Variants in APLF observed in about 807,000 individuals in gnomAD.
APLF encodes the protein aprataxin and PNK-like factor.
In APLF, 61 loss-of-function variants were observed where a neutral mutation model predicts 55.6. The observed-to-expected ratio is 1.10, with a 90% confidence interval of 0.89 to 1.36. The LOEUF (loss-of-function observed/expected upper bound fraction) is 1.36. Ranked by LOEUF, APLF falls within the 40% of genes most tolerant of loss-of-function variation. The pLI is 0.00. For synonymous variants in APLF, 207 were observed against 214.8 expected (o/e 0.96, Z 0.32); for missense variants, 611 against 602.5 (o/e 1.01, Z -0.15).
At chr2:68,553,643 T>C (rs1207490882) in intron 8 of APLF, among the ~76,000 whole-genome samples, 1 of 151,982 alleles carries the variant, frequency 6.6e-6, no homozygotes, top group Non-Finnish European at 1.5e-5. Flanking sequence ...CCACAGATCA[T>C]AAAATAAGCC....
intron 1 of APLF, among the ~76,000 whole-genome samples, chr2:68,472,964 C>A (rs1005418123): frequency 6.6e-6 from 1 of 152,128 alleles, no homozygotes; most frequent in Non-Finnish European, 1.5e-5. Context: ...CCCCGACTAT[C>A]AACATTCTAC....
intron 5 of APLF, among the ~76,000 whole-genome samples, chr2:68,518,771 T>C (rs1350851570): frequency 1.9e-5 from 2 of 107,886 alleles, no homozygotes; most frequent in South Asian, 2.7e-4. Context: ...ATATTAATAA[T>C]ATATCATTAT....
In APLF at chr2:68,502,891, A is replaced by G. The variant is rs781214980; in HGVS notation, c.329A>G (p.Gln110Arg). The stretch of plus-strand genomic sequence containing the variant: ...TCTATACCCTCTGAAGTGGAAATGC[A>G]ATGTACCTTAAGGTAAGTGCCTGAT... Reference protein sequence around the residue: ...ILSIPSEVEMQCTLRNSQVLD... With the variant: ...ILSIPSEVEMRCTLRNSQVLD... The change falls in exon 3 of 10, where the codon CAA (glutamine) becomes CGA (arginine). Residue 110 changes from glutamine (Q) to arginine (R), a missense_variant. Gln to Arg is a conservative substitution (Grantham distance 43). Coordinates refer to ENST00000303795, the MANE Select transcript of APLF (RefSeq NM_173545.3). 1.9e-6 allele frequency: 3 copies of G among 1,602,608 alleles called. No homozygotes were observed. The highest frequency in any genetic ancestry group is 4.5e-5 in the East Asian group (2 of 44,296).
chr2:68,467,639 C>T lies in APLF; in HGVS notation c.-93C>T, dbSNP rs991477934. The T allele has an allele frequency of 2.1e-4, 225 of 1,090,996 alleles. No homozygotes were observed. The highest frequency in any genetic ancestry group is 3.0e-4 in the Admixed American group (7 of 23,512). The allele number at this position is 1,090,996 out of a possible 1,614,324, so 67.6% of individuals were successfully genotyped here. On this transcript the variant is annotated 5_prime_UTR_variant, in exon 1 of 10. Coordinates refer to ENST00000303795, the MANE Select transcript of APLF (RefSeq NM_173545.3). Reference sequence around the variant, plus strand: ...TTGAGGCCCTCCCTCGGTGTTTTTTCCCAGGGCGTGGGCTTGCCCCGCGCG... The same window carrying T: ...TTGAGGCCCTCCCTCGGTGTTTTTTTCCAGGGCGTGGGCTTGCCCCGCGCG...
In APLF at chr2:68,513,534, A is replaced by G. The variant is rs774609067; in HGVS notation, c.490-14A>G. 5.0e-6 allele frequency: 8 copies of G among 1,607,618 alleles called. No individual in the cohort carries two copies. Among genetic ancestry groups the G allele is most frequent in the Non-Finnish European group, 5.9e-6 (7 of 1,176,922 alleles). On this transcript the variant is annotated splice_polypyrimidine_tract_variant and intron_variant, in intron 4 of 9. Transcript: ENST00000303795. ...TGTGTGATTATTTTTAGTAATTTATAGGTGTCTTTTTAGTCTTTCCTAGGT... is the reference window on the plus strand; with the variant it reads ...TGTGTGATTATTTTTAGTAATTTATGGGTGTCTTTTTAGTCTTTCCTAGGT...
At chr2:68,559,102 T>C (rs1243052654) in intron 8 of APLF, among the ~76,000 whole-genome samples, 1 of 152,182 alleles carries the variant, frequency 6.6e-6, no homozygotes, top group Non-Finnish European at 1.5e-5. Context: ...ATGCTAATTC[T>C]GTAGCATGAC....
chr2:68,492,646 T>A (rs1285727415), intron 2 of APLF, among the ~76,000 whole-genome samples: 2 of 152,204 alleles, frequency 1.3e-5, no homozygotes, highest in Non-Finnish European at 2.9e-5. Flanking sequence ...GGCTCCTTTT[T>A]AAAATACTCT....
chr2:68,525,001 G>T (rs1669992789), intron 5 of APLF, among the ~76,000 whole-genome samples: 1 of 152,174 alleles, frequency 6.6e-6, no homozygotes, highest in Non-Finnish European at 1.5e-5. Flanking sequence ...GTCTGTAGAA[G>T]TCACTCTCCT....
Position 68,467,708 on chromosome 2 carries a change from GA to G in APLF, c.-22del. ...ACAGCGGAGGGGCCAGTCTCCTGGC[GA>G]AGGGGCCTAATCCTTGCCCGCCATG... On this transcript the variant is annotated 5_prime_UTR_variant, in exon 1 of 10. Coordinates refer to ENST00000303795, the MANE Select transcript of APLF (RefSeq NM_173545.3). 8.1e-7 allele frequency: 1 copy of G among 1,234,250 alleles called. No homozygotes were observed. The highest frequency in any genetic ancestry group is 3.2e-5 in the East Asian group (1 of 31,682). 76.5% of individuals were successfully genotyped at this position (1,234,250 alleles called of 1,614,324 possible). A position where few individuals can be genotyped will look rare whatever the true frequency, so the allele number is the denominator to read the frequency against.
At chr2:68,522,154 T>C (rs1669915739) in intron 5 of APLF, among the ~76,000 whole-genome samples, 1 of 151,892 alleles carries the variant, frequency 6.6e-6, no homozygotes, top group Non-Finnish European at 1.5e-5. Context: ...CTGATTTTAA[T>C]AGAAATTCTC....
intron 9 of APLF, among the ~76,000 whole-genome samples, chr2:68,572,576 C>T (rs746955657): frequency 2.0e-5 from 3 of 152,182 alleles, no homozygotes; most frequent in African/African-American, 4.8e-5. Flanking sequence ...TGGCTCATGC[C>T]TATAATCCCA....
At chr2:68,490,436 A>G (rs1423549664) in intron 2 of APLF, among the ~76,000 whole-genome samples, 175 bp downstream of exon 2, 2 of 152,146 alleles carry the variant, frequency 1.3e-5, no homozygotes, top group African/African-American at 4.8e-5. Flanking sequence ...AAAACTACAT[A>G]TTTTCTCATA....
At position 68,580,004 on chromosome 2, in the gene APLF, GA is replaced by G; in HGVS notation, c.*1984del. On this transcript the variant is annotated 3_prime_UTR_variant, in exon 10 of 10. Coordinates refer to ENST00000303795, the MANE Select transcript of APLF (RefSeq NM_173545.3). ...TGCAAAGGGTAATACCAGTCTTTTA[GA>G]AGGAAAAAAATATTTAATATCAAAG... is the stretch of plus-strand genomic sequence containing the variant. 1 of 898,482 alleles carries G rather than the reference GA, an allele frequency of 1.1e-6. No homozygotes were observed. The highest frequency in any genetic ancestry group is 1.3e-6 in the Non-Finnish European group (1 of 750,846). 55.7% of individuals were successfully genotyped at this position (898,482 alleles called of 1,614,324 possible). A position where few individuals can be genotyped will look rare whatever the true frequency, so the allele number is the denominator to read the frequency against.
chr2:68,467,883 T>G (rs1476204122), intron 1 of APLF, 56 bp downstream of exon 1: 34 of 1,201,120 alleles, frequency 2.8e-5, no homozygotes, highest in South Asian at 4.2e-5. Context: ...CCGCGCCGGC[T>G]CCTGAAGACC....
At chr2:68,513,283 G>T in intron 4 of APLF, 56 bp downstream of exon 4, 2 of 1,525,764 alleles carry the variant, frequency 1.3e-6, no homozygotes, top group Non-Finnish European at 1.8e-6. Flanking sequence ...TATTATGAAG[G>T]CAGAAAAGAC....
chr2:68,536,862 G>A (rs1670405447), intron 6 of APLF, among the ~76,000 whole-genome samples: 1 of 152,066 alleles, frequency 6.6e-6, no homozygotes, highest in Non-Finnish European at 1.5e-5. Context: ...AAGTATTGCA[G>A]TAGCTTAGAA....
intron 8 of APLF, among the ~76,000 whole-genome samples, chr2:68,566,673 G>A (rs1339243079): frequency 6.6e-6 from 1 of 152,044 alleles, no homozygotes; most frequent in Admixed American, 6.6e-5. Context: ...GGATTTTACT[G>A]CTGGGATATT....
intron 3 of APLF, among the ~76,000 whole-genome samples, chr2:68,508,039 GTAGT>G (rs1391845667): frequency 6.6e-6 from 1 of 151,606 alleles, no homozygotes; most frequent in Non-Finnish European, 1.5e-5. Flanking sequence ...TATTTAAAAT[GTAGT>G]TTTAGATCCA....
intron 6 of APLF, 78 bp from the exon 7 acceptor site, chr2:68,537,794 G>C: frequency 9.6e-7 from 1 of 1,039,630 alleles, no homozygotes; most frequent in Admixed American, 3.0e-5. Context: ...CATGGATCTT[G>C]TAGTTTTGTG....
Sources: allele counts gnomAD v4.1 joint callset (sites outside exome capture counted in the v4.1 genomes callset), GRCh38; gene constraint gnomAD v4.1.1; transcripts MANE v1.5; gene names NCBI Gene and HGNC (gene_info 2026-07-23, HGNC 2026-07-21).